PROSER3: variants seen among roughly 807,000 people sequenced by gnomAD.
The protein encoded by PROSER3 is proline and serine rich 3, also known as proline and serine-rich protein 3.
Under a neutral mutation model 50.2 loss-of-function variants are expected in PROSER3, and 33 were observed. The ratio of observed to expected loss-of-function variants is 0.66; its 90% CI spans 0.50 to 0.88. The LOEUF (loss-of-function observed/expected upper bound fraction) is 0.88, where lower values mean the gene tolerates loss of function less well. Ranked by LOEUF, PROSER3 falls within the 40% of genes least tolerant of loss-of-function variation. PROSER3 has a pLI of 0.00. For synonymous variants in PROSER3, 266 were observed against 259.3 expected (o/e 1.03, Z -0.25); for missense variants, 623 against 612.7 (o/e 1.02, Z -0.18).
rs781640812 is a variant in PROSER3, at chr19:35,758,232, G to C, written c.11+6G>C. On this transcript the variant is annotated splice_donor_region_variant and intron_variant, in intron 1 of 10. Transcript: ENST00000396908. The stretch of plus-strand genomic sequence containing the variant: ...AGCCGCGGGATGGACCGCAGGTGAG[G>C]CCGATCGCTCTTCCAGGGACTACAG... 8 of 1,562,380 alleles carry C rather than the reference G, an allele frequency of 5.1e-6. No individual in the cohort carries two copies. The highest frequency in any genetic ancestry group is 4.8e-5 in the East Asian group (2 of 41,948).
intron 1 of PROSER3, 75 bp from the exon 2 acceptor site, chr19:35,759,299 G>A: frequency 8.7e-7 from 1 of 1,144,546 alleles, no homozygotes; most frequent in Non-Finnish European, 1.3e-6. Context: ...GTCTGGTTCT[G>A]CCCTCCTCTA....
exon 2 of PROSER3, chr19:35,759,397 A>G (rs1319583923): frequency 1.9e-6 from 3 of 1,613,660 alleles, no homozygotes; most frequent in Non-Finnish European, 2.5e-6. Flanking sequence ...TCCATTCAAG[A>G]TAGTCCCTTT....
At chr19:35,759,744 AT>A in intron 2 of PROSER3, 44 bp from the exon 3 acceptor site, 1 of 1,508,906 alleles carries the variant, frequency 6.6e-7, no homozygotes, top group Admixed American at 2.0e-5. Context: ...GGGATGACCC[AT>A]GAGACCTCAC....
chr19:35,758,247 AG>A (rs1970834222), intron 1 of PROSER3, 21 bp downstream of exon 1: 18 of 1,561,512 alleles, frequency 1.2e-5, no homozygotes, highest in Non-Finnish European at 1.5e-5. Flanking sequence ...TCGCTCTTCC[AG>A]GGACTACAGG....
At chr19:35,768,295 C>G (rs1971240999) in intron 10 of PROSER3, 59 bp downstream of exon 10, 2 of 1,584,082 alleles carry the variant, frequency 1.3e-6, no homozygotes, top group Non-Finnish European at 8.6e-7. Flanking sequence ...CTCTGAGACC[C>G]GGTTAGGCAT....
chr19:35,758,315 C>T, intron 1 of PROSER3, 89 bp downstream of exon 1: 1 of 1,455,584 alleles, frequency 6.9e-7, no homozygotes, highest in Non-Finnish European at 9.1e-7. Context: ...TGGATACGGT[C>T]TGGAGTCGCT....
intron 8 of PROSER3, chr19:35,767,178 T>G (rs1971177071): frequency 1.9e-6 from 1 of 519,356 alleles, no homozygotes; most frequent in Non-Finnish European, 3.3e-6. Flanking sequence ...GCCTTCTATG[T>G]GGAGAGGCCT....
chr19:35,767,299 G>T (rs910662154), intron 8 of PROSER3: 3 of 294,306 alleles, frequency 1.0e-5, no homozygotes, highest in East Asian at 7.2e-5. Flanking sequence ...TTCCTCCCAC[G>T]CAGCAGGCCT....
chr19:35,766,172 G>T (rs563444468), intron 7 of PROSER3, among the ~76,000 whole-genome samples: 94 of 152,230 alleles, frequency 6.2e-4, no homozygotes, highest in African/African-American at 2.2e-3. Flanking sequence ...TGTAGCGGGT[G>T]GGGGAGTGGG....
intron 8 of PROSER3, chr19:35,767,726 G>C: frequency 6.6e-7 from 1 of 1,523,224 alleles, no homozygotes; most frequent in Non-Finnish European, 8.9e-7. Flanking sequence ...ACCCAAGGCT[G>C]GATCTCCGAA....
chr19:35,768,696 C>T (rs1482990476), exon 11 of PROSER3: 31 of 882,230 alleles, frequency 3.5e-5, no homozygotes, highest in Non-Finnish European at 4.7e-5. Flanking sequence ...CATGGCTCTG[C>T]CCTGCCCCCC....
downstream of PROSER3, chr19:35,769,248 C>T (rs1375932066): frequency 1.3e-5 from 2 of 152,086 alleles, no homozygotes; most frequent in Admixed American, 6.6e-5. Context: ...ATCTCAAATT[C>T]CATAGGTCCT....
At chr19:35,762,056 C>G in exon 4 of PROSER3, 1 of 1,610,856 alleles carries the variant, frequency 6.2e-7, no homozygotes, top group Non-Finnish European at 8.5e-7. Flanking sequence ...GCCCACCAGT[C>G]GAGAGGAGCG....
exon 2 of PROSER3, chr19:35,759,433 A>G: frequency 1.2e-6 from 2 of 1,613,392 alleles, no homozygotes; most frequent in Non-Finnish European, 1.7e-6. Flanking sequence ...GGTCGAAGCC[A>G]CTACTGGCCA....
exon 9 of PROSER3, chr19:35,768,056 G>A: frequency 6.3e-7 from 1 of 1,582,846 alleles, no homozygotes; most frequent in Non-Finnish European, 8.6e-7. Flanking sequence ...GCTGCTGCAG[G>A]CTGCAGAAGG....
intron 9 of PROSER3, 39 bp downstream of exon 9, chr19:35,768,104 G>A: frequency 6.3e-7 from 1 of 1,596,374 alleles, no homozygotes; most frequent in South Asian, 1.1e-5. Flanking sequence ...AGGCAGGCCA[G>A]CCCCCTAAGA....
intron 1 of PROSER3, 156 bp downstream of exon 1, chr19:35,758,382 T>A: frequency 1.0e-6 from 1 of 1,002,392 alleles, no homozygotes; most frequent in South Asian, 2.0e-5. Context: ...CGTTGGCCTC[T>A]CCAGCCGTAG....
intron 5 of PROSER3, among the ~76,000 whole-genome samples, chr19:35,764,108 G>A (rs1971058075): frequency 6.6e-6 from 1 of 151,900 alleles, no homozygotes; most frequent in African/African-American, 2.4e-5. Flanking sequence ...CTTTTTTTGG[G>A]CTCAGTCCCA....
chr19:35,759,642 T>C, intron 2 of PROSER3, 147 bp from the exon 3 acceptor site: 1 of 987,980 alleles, frequency 1.0e-6, no homozygotes, highest in Non-Finnish European at 1.5e-6. Flanking sequence ...GGATTCCCCA[T>C]CTGAGCCCCC....
Sources: gnomAD v4.1 joint callset for allele counts (sites outside exome capture counted in the v4.1 genomes callset) on GRCh38, gnomAD v4.1.1 for gene constraint, MANE v1.5 for transcripts, NCBI Gene and HGNC (gene_info 2026-07-23, HGNC 2026-07-21) for gene names.